Variants in LSM14A observed in about 807,000 individuals in gnomAD.
LSM14A encodes the protein protein LSM14 homolog A.
LSM14A carries 14 observed loss-of-function variants against 52.4 expected under a neutral mutation model. That is an observed-to-expected ratio of 0.27 (90% CI 0.18 to 0.42). LSM14A has a LOEUF of 0.42. Ranked by LOEUF, LSM14A falls within the 10% of genes least tolerant of loss-of-function variation. The pLI, the probability that LSM14A is intolerant of heterozygous loss-of-function variation, is 1.00. For synonymous variants in LSM14A, 185 were observed against 200.3 expected (o/e 0.92, Z 0.64); for missense variants, 417 against 581.8 (o/e 0.72, Z 2.91).
At chr19:34,199,396 G>A (rs1370442145) in intron 3 of LSM14A, among the ~76,000 whole-genome samples, 1 of 152,128 alleles carries the variant, frequency 6.6e-6, no homozygotes, top group Non-Finnish European at 1.5e-5. Context: ...CTCCAAAAGT[G>A]TTGGGATTAC....
intron 3 of LSM14A, among the ~76,000 whole-genome samples, chr19:34,203,897 C>T (rs1257308005): frequency 1.5e-5 from 2 of 137,268 alleles, no homozygotes; most frequent in Non-Finnish European, 3.1e-5. Flanking sequence ...GAGTGTCAGA[C>T]TGAATTTAAA....
chr19:34,226,410 A>AGCAGT (rs1435535626), intron 9 of LSM14A: 1 of 1,488,174 alleles, frequency 6.7e-7, no homozygotes, highest in Non-Finnish European at 8.9e-7. Flanking sequence ...CCTTTCAGAA[A>AGCAGT]ACCACAGCTT....
intron 1 of LSM14A, among the ~76,000 whole-genome samples, chr19:34,179,821 T>A (rs570858864): frequency 6.6e-6 from 1 of 152,308 alleles, no homozygotes; most frequent in South Asian, 2.1e-4. Flanking sequence ...ATTTAATTAT[T>A]CCGTGCTAGA....
At chr19:34,211,830 T>C (rs1310487211) in intron 4 of LSM14A, among the ~76,000 whole-genome samples, 1 of 151,968 alleles carries the variant, frequency 6.6e-6, no homozygotes, top group Non-Finnish European at 1.5e-5. Flanking sequence ...TTACTCCTCA[T>C]AGTTAACAAA....
At chr19:34,200,792 T>C (rs522194) in intron 3 of LSM14A, among the ~76,000 whole-genome samples, 128,000 of 151,988 alleles carry the variant, frequency 0.84, 55,083 homozygotes, top group Non-Finnish European at 0.94. Flanking sequence ...CAAGATATAC[T>C]GTATGTTAAC....
At chr19:34,174,077 G>A (rs2068906003) in intron 1 of LSM14A, among the ~76,000 whole-genome samples, 1 of 152,180 alleles carries the variant, frequency 6.6e-6, no homozygotes, top group South Asian at 2.1e-4. Flanking sequence ...AGCCTCCCAA[G>A]TAGCTGGGAT....
chr19:34,177,623 A>G (rs1249096930), intron 1 of LSM14A, among the ~76,000 whole-genome samples: 1 of 152,196 alleles, frequency 6.6e-6, no homozygotes, highest in Non-Finnish European at 1.5e-5. Flanking sequence ...AGGGTGACTC[A>G]GGCCTGTAAT....
intron 4 of LSM14A, among the ~76,000 whole-genome samples, chr19:34,211,767 C>T (rs189261340): frequency 1.0e-3 from 158 of 151,490 alleles, no homozygotes; most frequent in African/African-American, 3.5e-3. Flanking sequence ...CCAGCCTGGG[C>T]GACAGAACCA....
chr19:34,212,354 A>C (rs116116569), intron 4 of LSM14A, among the ~76,000 whole-genome samples: 226 of 152,310 alleles, frequency 1.5e-3, no homozygotes, highest in African/African-American at 5.1e-3. Context: ...TAAAGGTATT[A>C]TTTTAAATTA....
chr19:34,211,314 T>TA (rs1176707395), intron 4 of LSM14A, among the ~76,000 whole-genome samples: 2 of 151,334 alleles, frequency 1.3e-5, no homozygotes, highest in African/African-American at 4.9e-5. Flanking sequence ...AAAAAAAATT[T>TA]AATAGTCCTA....
chr19:34,179,044 A>C (rs1169559803), intron 1 of LSM14A, among the ~76,000 whole-genome samples: 2 of 152,206 alleles, frequency 1.3e-5, no homozygotes, highest in Non-Finnish European at 2.9e-5. Context: ...AAATGAATGA[A>C]ATTCTTATAA....
chr19:34,197,431 CTTTTTTT>C (rs531343486), intron 3 of LSM14A, among the ~76,000 whole-genome samples: 12 of 63,308 alleles, frequency 1.9e-4, no homozygotes, highest in East Asian at 8.5e-4. Flanking sequence ...ATTTCTTTTT[CTTTTTTT>C]TTTTTTTTTT....
chr19:34,176,326 A>G (rs2069087605), intron 1 of LSM14A, among the ~76,000 whole-genome samples: 4 of 152,020 alleles, frequency 2.6e-5, no homozygotes, highest in Admixed American at 1.3e-4. Context: ...TGGGAAACCT[A>G]ACTACACAGG....
intron 4 of LSM14A, among the ~76,000 whole-genome samples, chr19:34,213,686 C>G (rs1286226421): frequency 1.3e-5 from 2 of 152,006 alleles, no homozygotes; most frequent in Non-Finnish European, 2.9e-5. Context: ...TGGGAGCACC[C>G]GATGTTACAT....
chr19:34,179,231 G>A (rs1045705526), intron 1 of LSM14A, among the ~76,000 whole-genome samples: 1 of 152,198 alleles, frequency 6.6e-6, no homozygotes, highest in Non-Finnish European at 1.5e-5. Context: ...CAAGTAAATT[G>A]TTAACAGATT....
intron 1 of LSM14A, among the ~76,000 whole-genome samples, chr19:34,174,177 G>T (rs921574265): frequency 6.6e-6 from 1 of 152,208 alleles, no homozygotes; most frequent in Non-Finnish European, 1.5e-5. Flanking sequence ...TCGAACTCCT[G>T]ACCTCAGGTG....
At chr19:34,226,200 T>C (rs1459373980) in intron 9 of LSM14A, among the ~76,000 whole-genome samples, 1 of 152,172 alleles carries the variant, frequency 6.6e-6, no homozygotes, top group African/African-American at 2.4e-5. Flanking sequence ...AGCTCCTGTT[T>C]TATATGCTGC....
intron 9 of LSM14A, 35 bp downstream of exon 9, chr19:34,221,773 A>G: frequency 1.3e-6 from 2 of 1,581,102 alleles, no homozygotes; most frequent in Non-Finnish European, 1.7e-6. Context: ...TTTGGGGTTG[A>G]CATGCATTTT....
intron 4 of LSM14A, 47 bp from the exon 5 acceptor site, chr19:34,215,077 T>G: frequency 6.7e-7 from 1 of 1,498,716 alleles, no homozygotes; most frequent in East Asian, 2.3e-5. Flanking sequence ...CTAGATTATT[T>G]TGAAATCCCC....
Sources: allele counts gnomAD v4.1 joint callset (sites outside exome capture counted in the v4.1 genomes callset), GRCh38; gene constraint gnomAD v4.1.1; transcripts MANE v1.5; gene names NCBI Gene and HGNC (gene_info 2026-07-23, HGNC 2026-07-21).